IMPA2: variants seen among roughly 807,000 people sequenced by gnomAD.
IMPA2 encodes inositol monophosphatase 2.
Under a neutral mutation model 35.1 loss-of-function variants are expected in IMPA2, and 32 were observed. The observed-to-expected ratio is 0.91, with a 90% CI of 0.69 to 1.23. The LOEUF (loss-of-function observed/expected upper bound fraction) is 1.23. IMPA2 is among the 50% of genes most tolerant of loss of function. The probability of loss-of-function intolerance (pLI) is 0.00; values close to 1 mark genes in which losing one functional copy is unlikely to be tolerated. For missense variants in IMPA2, 334 were observed against 387.6 expected (o/e 0.86, Z 1.16); for synonymous variants, 135 against 160.6 (o/e 0.84, Z 1.20).
At chr18:12,028,449 C>T in intron 6 of IMPA2, 1 of 453,416 alleles carries the variant, frequency 2.2e-6, no homozygotes, top group Non-Finnish European at 4.0e-6. Context: ...CCGAGGGGGC[C>T]TGGCGTCAGA....
chr18:11,999,400 G>A (rs1598689689), intron 2 of IMPA2, among the ~76,000 whole-genome samples: 1 of 152,190 alleles, frequency 6.6e-6, no homozygotes, highest in African/African-American at 2.4e-5. Flanking sequence ...CAACCATCAC[G>A]TCAATGCATC....
At chr18:12,023,561 C>T (rs112360898) in intron 5 of IMPA2, among the ~76,000 whole-genome samples, 18 of 152,332 alleles carry the variant, frequency 1.2e-4, no homozygotes, top group South Asian at 8.3e-4. Context: ...CTGGCACTGG[C>T]GGACTTTCCT....
At chr18:12,019,052 C>T (rs1907658467) in intron 5 of IMPA2, among the ~76,000 whole-genome samples, 1 of 152,146 alleles carries the variant, frequency 6.6e-6, no homozygotes, top group South Asian at 2.1e-4. Flanking sequence ...TCTCGAATTC[C>T]TGGCCTCAAG....
At chr18:12,018,633 C>T (rs558037149) in intron 5 of IMPA2, among the ~76,000 whole-genome samples, 3 of 152,240 alleles carry the variant, frequency 2.0e-5, no homozygotes, top group East Asian at 1.9e-4. Flanking sequence ...AAATTCATTA[C>T]ATTTTAACGT....
At chr18:12,008,603 A>G (rs757566535) in intron 2 of IMPA2, 1 of 455,562 alleles carries the variant, frequency 2.2e-6, no homozygotes, top group African/African-American at 2.0e-5. Context: ...TGGGCTGCGA[A>G]TACACCTGAC....
At chr18:11,983,825 A>G (rs531381858) in intron 1 of IMPA2, among the ~76,000 whole-genome samples, 1 of 152,148 alleles carries the variant, frequency 6.6e-6, no homozygotes, top group Non-Finnish European at 1.5e-5. Flanking sequence ...ACCTGTGTAA[A>G]GAGGGACAGA....
intron 2 of IMPA2, among the ~76,000 whole-genome samples, chr18:12,003,335 A>T (rs991298942): frequency 6.6e-6 from 1 of 152,022 alleles, no homozygotes; most frequent in Non-Finnish European, 1.5e-5. Context: ...CCCAGCATTT[A>T]ACTCGTAACA....
intron 1 of IMPA2, among the ~76,000 whole-genome samples, chr18:11,989,754 C>G (rs2143777713): frequency 1.3e-5 from 2 of 152,208 alleles, no homozygotes; most frequent in East Asian, 3.9e-4. Context: ...ATGGCTCATC[C>G]CCACGGGGAG....
chr18:11,982,793 CAA>C (rs11354219), intron 1 of IMPA2, among the ~76,000 whole-genome samples: 8,992 of 111,654 alleles, frequency 0.081, 572 homozygotes, highest in African/African-American at 0.18. Context: ...AACTCCGTCT[CAA>C]AAAAAAAAAA....
intron 5 of IMPA2, among the ~76,000 whole-genome samples, chr18:12,022,191 C>A (rs147140182): frequency 2.7e-4 from 41 of 152,178 alleles, no homozygotes; most frequent in African/African-American, 9.6e-4. Context: ...AGCAAGAACT[C>A]CCTGTTCCCT....
chr18:12,017,240 C>T (rs1907603183), intron 5 of IMPA2, among the ~76,000 whole-genome samples: 1 of 152,214 alleles, frequency 6.6e-6, no homozygotes, highest in African/African-American at 2.4e-5. Flanking sequence ...CCCATGACCC[C>T]TCACATGGCA....
intron 1 of IMPA2, among the ~76,000 whole-genome samples, chr18:11,985,866 T>C (rs1252794308): frequency 6.6e-6 from 1 of 152,206 alleles, no homozygotes; most frequent in African/African-American, 2.4e-5. Context: ...ACACTGGCTG[T>C]ATCCACGCCA....
At chr18:12,003,788 G>C (rs1057425002) in intron 2 of IMPA2, among the ~76,000 whole-genome samples, 1 of 152,086 alleles carries the variant, frequency 6.6e-6, no homozygotes, top group Admixed American at 6.5e-5. Context: ...TTTGTGGGGC[G>C]CCTAAACCTG....
chr18:12,008,065 G>A (rs1378688432), intron 2 of IMPA2, among the ~76,000 whole-genome samples: 1 of 151,822 alleles, frequency 6.6e-6, no homozygotes, highest in Non-Finnish European at 1.5e-5. Flanking sequence ...TGCAACCTCC[G>A]GCTCACTGCA....
chr18:11,982,712 G>A lies in IMPA2; in HGVS notation c.96+947G>A, dbSNP rs868399624. The stretch of plus-strand genomic sequence containing the variant: ...GGAGGCTGAGGCAGGAGAATCACTT[G>A]AACCTGGGAGGCGAAGGTTGCAGTG... On this transcript the variant is annotated intron_variant, in intron 1 of 7. Coordinates refer to ENST00000269159, the MANE Select transcript of IMPA2 (RefSeq NM_014214.3). Among the ~76,000 whole-genome samples, 6 of 151,584 alleles carry A rather than the reference G, an allele frequency of 4.0e-5. No homozygotes were observed. The Middle Eastern group carries it at 0.01, about 258-fold the overall frequency.
intron 1 of IMPA2, among the ~76,000 whole-genome samples, chr18:11,993,315 C>A (rs1906868156): frequency 6.6e-6 from 1 of 152,212 alleles, no homozygotes; most frequent in South Asian, 2.1e-4. Flanking sequence ...AGAATTACAT[C>A]CTGGAAGGGA....
At chr18:12,007,913 G>C (rs1211446919) in intron 2 of IMPA2, among the ~76,000 whole-genome samples, 2 of 151,776 alleles carry the variant, frequency 1.3e-5, no homozygotes. Flanking sequence ...AAGCAGCTGG[G>C]ATTATAGGCG....
At chr18:12,023,249 C>A (rs1907786423) in intron 5 of IMPA2, among the ~76,000 whole-genome samples, 1 of 152,206 alleles carries the variant, frequency 6.6e-6, no homozygotes, top group Admixed American at 6.5e-5. Flanking sequence ...CACACAATCA[C>A]CAGACAAGCT....
At chr18:12,008,561 G>T (rs777313680) in intron 2 of IMPA2, 1 of 456,768 alleles carries the variant, frequency 2.2e-6, no homozygotes, top group Non-Finnish European at 4.4e-6. Flanking sequence ...TGTAAACAGC[G>T]GCCAGCTCCA....
Sources: allele counts gnomAD v4.1 joint callset (sites outside exome capture counted in the v4.1 genomes callset), GRCh38; gene constraint gnomAD v4.1.1; transcripts MANE v1.5; gene names NCBI Gene and HGNC (gene_info 2026-07-23, HGNC 2026-07-21).